STAB1: variants seen among roughly 807,000 people sequenced by gnomAD.
STAB1 encodes stabilin-1.
Under a neutral mutation model 332.4 loss-of-function variants are expected in STAB1, and 250 were observed. The ratio of observed to expected loss-of-function variants is 0.75; its 90% CI spans 0.68 to 0.84. The LOEUF (loss-of-function observed/expected upper bound fraction) is 0.84, where lower values mean the gene tolerates loss of function less well. Among genes scored for constraint, STAB1 ranks in the 40% least tolerant of loss-of-function variants. The pLI is 0.00. For missense variants in STAB1, 3,249 were observed against 3,489.7 expected, an observed-to-expected ratio of 0.93 and a Z score of 1.74; for synonymous variants, 1,475 against 1,390.4, an observed-to-expected ratio of 1.06 and a Z score of -1.35.
Position 52,520,095 on chromosome 3 carries a change from G to A in STAB1, c.5387G>A (p.Arg1796Gln), listed in dbSNP as rs750335748. ...DHRDKLAAIL[R>Q]GHMIRNVEAL... The stretch of plus-strand genomic sequence containing the variant: ...CGTGACAAGCTAGCAGCCATTCTGC[G>A]GGGCCACATGATTCGCAATGTCGAG... The change falls in exon 51 of 69, where the codon CGG (arginine) becomes CAG (glutamine). Residue 1796 changes from arginine to glutamine, a missense_variant. Coordinates refer to ENST00000321725, the MANE Select transcript of STAB1 (RefSeq NM_015136.3). The A allele has an allele frequency of 4.3e-5, 69 of 1,610,308 alleles. No homozygotes were observed. Among genetic ancestry groups the A allele is most frequent in the Non-Finnish European group, 5.4e-5 (64 of 1,177,740 alleles).
At chr3:52,498,273 TG>T (rs1037847274) in intron 1 of STAB1, among the ~76,000 whole-genome samples, 64 of 151,988 alleles carry the variant, frequency 4.2e-4, no homozygotes, top group Non-Finnish European at 6.9e-4. Context: ...GGTGTGGGGT[TG>T]GGGGGGAGAC....
At position 52,523,538 on chromosome 3, in the gene STAB1, A is replaced by C. The variant is rs374444384; in HGVS notation, c.7252A>C (p.Ser2418Arg). ...CCACTCAGGCCTCAGCCTCATCATC[A>C]GTGACGCAGGCCCTGACAACAGTTC... ...PAHSGLSLII[S>R]DAGPDNSSWA... The change falls in exon 65 of 69, where the codon AGT becomes CGT. Residue 2418 changes from serine to arginine, a missense_variant. Physicochemically the swap from Ser to Arg is moderately radical, Grantham distance 110. Coordinates refer to ENST00000321725, the MANE Select transcript of STAB1 (RefSeq NM_015136.3). 3 of 1,612,788 alleles carry C rather than the reference A, an allele frequency of 1.9e-6. No individual in the cohort carries two copies. Among genetic ancestry groups the C allele is most frequent in the Non-Finnish European group, 2.5e-6 (3 of 1,180,010 alleles).
At position 52,516,464 on chromosome 3, in the gene STAB1, C is replaced by T. The variant is rs2078867915; in HGVS notation, c.4240+13C>T. ...CGCTGTGACCAGAGTGAGTGGGTCC[C>T]AATGGGGAGGGGGCAGGTGGCTACT... On this transcript the variant is annotated intron_variant, in intron 39 of 68. Transcript: ENST00000321725. 1.2e-6 allele frequency: 2 copies of T among 1,613,450 alleles called. No individual in the cohort carries two copies. Among genetic ancestry groups the T allele is most frequent in the Non-Finnish European group, 8.5e-7 (1 of 1,179,866 alleles).
rs1458068255 is a variant in STAB1, at chr3:52,517,814, A to G, written c.4639-67A>G. 34 of 1,605,016 alleles carry G rather than the reference A, an allele frequency of 2.1e-5. 1 individual carries two copies. The South Asian group carries it at 3.1e-4, about 15-fold the overall frequency. On this transcript the variant is annotated intron_variant, in intron 44 of 68. Coordinates refer to ENST00000321725, the MANE Select transcript of STAB1 (RefSeq NM_015136.3). ...AGCAGGGGCCTTCATGGCCTCTTTCACAGGGCTGAGTGGGATAGAGAAGTA... is the reference window on the plus strand; with the variant it reads ...AGCAGGGGCCTTCATGGCCTCTTTCGCAGGGCTGAGTGGGATAGAGAAGTA...
Position 52,509,294 on chromosome 3 carries a change from A to G in STAB1, c.2320A>G (p.Asn774Asp). ...GIACHICSNP[N>D]KHGEQCQEDC... ...CGCCTGCCACATCTGCTCGAACCCA[A>G]ACAAGCATGGAGAGCAATGCCAGGA... The change falls in exon 22 of 69, where the codon AAC becomes GAC. Residue 774 changes from asparagine to aspartate, a missense_variant. Transcript: ENST00000321725. 3.1e-6 allele frequency: 5 copies of G among 1,613,568 alleles called. No individual in the cohort carries two copies. The highest frequency in any genetic ancestry group is 4.2e-6 in the Non-Finnish European group (5 of 1,179,982).
Position 52,503,777 on chromosome 3 carries a change from C to G in STAB1, c.897C>G (p.Phe299Leu). 2 of 1,613,152 alleles carry G rather than the reference C, an allele frequency of 1.2e-6. No homozygotes were observed. Among genetic ancestry groups the G allele is most frequent in the Non-Finnish European group, 1.7e-6 (2 of 1,180,032 alleles). ...LCVYQKPGQA[F>L]CTCRPGLVSI... is the part of the protein sequence containing the mutation. Reference sequence around the variant, plus strand: ...CCTGCCCTGTCGGGGGCCAGGCCTTCTGCACCTGCCGGCCAGGCCTGGTCA... The same window carrying G: ...CCTGCCCTGTCGGGGGCCAGGCCTTGTGCACCTGCCGGCCAGGCCTGGTCA... Residue 299 changes from phenylalanine to leucine, a missense_variant, in exon 9 of 69, where the codon TTC becomes TTG. Coordinates refer to ENST00000321725, the MANE Select transcript of STAB1 (RefSeq NM_015136.3).
At chr3:52,508,171 A>T in intron 20 of STAB1, 102 bp from the exon 21 acceptor site, 1 of 1,360,806 alleles carries the variant, frequency 7.3e-7, no homozygotes, top group Non-Finnish European at 1.0e-6. Context: ...GAGAAACCTT[A>T]TCCACTCCGT....
At chr3:52,504,602 G>A in intron 11 of STAB1, 53 bp downstream of exon 11, 1 of 1,612,210 alleles carries the variant, frequency 6.2e-7, no homozygotes, top group South Asian at 1.1e-5. Flanking sequence ...TCCTCCCCTG[G>A]ATGCATCCCC....
At chr3:52,515,127 GC>G in intron 36 of STAB1, 82 bp downstream of exon 36, 1 of 1,530,878 alleles carries the variant, frequency 6.5e-7, no homozygotes, top group Non-Finnish European at 8.9e-7. Context: ...TCACCCTCCA[GC>G]CCAGTTTTGC....
intron 16 of STAB1, 104 bp from the exon 17 acceptor site, chr3:52,506,066 G>A: frequency 6.7e-7 from 1 of 1,501,922 alleles, no homozygotes; most frequent in Non-Finnish European, 9.1e-7. Context: ...ATAGCACAGA[G>A]CCTAGGGACC....
At position 52,510,381 on chromosome 3, in the gene STAB1, C is replaced by G. The variant is rs762091624; in HGVS notation, c.2661C>G (p.His887Gln). The G allele has an allele frequency of 1.2e-6, 2 of 1,614,066 alleles. No individual in the cohort carries two copies. The highest frequency in any genetic ancestry group is 2.2e-5 in the South Asian group (2 of 91,086). ...AECVPGSLGT[H>Q]HCTCHKGWSG... ...GTGTCCCTGGGTCCCTGGGCACCCA[C>G]CACTGCACATGCCACAAAGGCTGGA... The change falls in exon 25 of 69, where the codon CAC (histidine) becomes CAG (glutamine). Residue 887 changes from histidine (H) to glutamine (Q), a missense_variant. By Grantham distance (24) the His-to-Gln change is conservative. Transcript: ENST00000321725.
chr3:52,507,467 C>G lies in STAB1; in HGVS notation c.1990-146C>G, dbSNP rs1311925068. 5 of 849,624 alleles carry G rather than the reference C, an allele frequency of 5.9e-6. No homozygotes were observed. In the East Asian group the frequency reaches 8.1e-5, roughly 14 times the overall value. The allele number at this position is 849,624 out of a possible 1,614,324, so 52.6% of individuals were successfully genotyped here. Reference sequence around the variant, plus strand: ...CCGGCTCGGGGCCTCTGCCCCTGCTCTCCTCTGCCTGGAATGCCAGTGCTG... The same window carrying G: ...CCGGCTCGGGGCCTCTGCCCCTGCTGTCCTCTGCCTGGAATGCCAGTGCTG... On this transcript the variant is annotated intron_variant, in intron 18 of 68. Transcript: ENST00000321725.
Position 52,508,328 on chromosome 3 carries a change from G to T in STAB1, c.2204G>T (p.Gly735Val), listed in dbSNP as rs1217431452. ...CCTGACTGCACGCAGTGTCCTGGGG[G>T]CTTCTCCAACCCCTGCTATGGCAAA... is the stretch of plus-strand genomic sequence containing the variant. ...FGPDCTQCPG[G>V]FSNPCYGKGN... Residue 735 changes from glycine (G) to valine (V), a missense_variant, in exon 21 of 69, where the codon GGC (glycine) becomes GTC (valine). Coordinates refer to ENST00000321725, the MANE Select transcript of STAB1 (RefSeq NM_015136.3). The T allele has an allele frequency of 2.5e-6, 4 of 1,613,964 alleles. No individual in the cohort carries two copies. The South Asian group carries it at 4.4e-5, about 18-fold the overall frequency.
Position 52,524,238 on chromosome 3 carries a change from G to A in STAB1, c.7656+25G>A, listed in dbSNP as rs769124635. 9.3e-6 allele frequency: 15 copies of A among 1,614,016 alleles called. No homozygotes were observed. The South Asian group carries it at 1.6e-4, about 18-fold the overall frequency. ...TGTAAGCATGGAAGTGAAGAAGTGTGGCAGATGTGGGATGGGCCCAGGCCC... is the reference window on the plus strand; with the variant it reads ...TGTAAGCATGGAAGTGAAGAAGTGTAGCAGATGTGGGATGGGCCCAGGCCC... On this transcript the variant is annotated intron_variant, in intron 68 of 68. Transcript: ENST00000321725.
At position 52,495,438 on chromosome 3, in the gene STAB1, C is replaced by A; in HGVS notation, c.25C>A (p.Pro9Thr). The A allele has an allele frequency of 7.4e-7, 1 of 1,343,098 alleles. No individual in the cohort carries two copies. The highest frequency in any genetic ancestry group is 9.6e-7 in the Non-Finnish European group (1 of 1,040,420). 83.2% of individuals were successfully genotyped at this position (1,343,098 alleles called of 1,614,324 possible). A position where few individuals can be genotyped will look rare whatever the true frequency, so the allele number is the denominator to read the frequency against. The change falls in exon 1 of 69, where the codon CCA becomes ACA. Residue 9 changes from proline (P) to threonine (T), a missense_variant. Coordinates refer to ENST00000321725, the MANE Select transcript of STAB1 (RefSeq NM_015136.3). Reference protein sequence around the residue: MAGPRGLLPLCLLAFCLAG... With the variant: MAGPRGLLTLCLLAFCLAG... ...CATGGCGGGGCCCCGGGGCCTCCTC[C>A]CACTCTGCCTCCTGGCCTTCTGCCT...
Position 52,510,232 on chromosome 3 carries a change from G to A in STAB1, c.2625G>A (p.Glu875=), listed in dbSNP as rs201202233. The change falls in exon 24 of 69, where the codon GAG becomes GAA. Residue 875 remains glutamate, a synonymous_variant. Coordinates refer to ENST00000321725, the MANE Select transcript of STAB1 (RefSeq NM_015136.3). ...CSHPDRGGCS[E]NAECVPGSLG... ...ACCCGGACCGTGGAGGCTGCTCAGA[G>A]AATGTCAGTCCCCTTGCTCCTTCCC... 5 of 1,614,046 alleles carry A rather than the reference G, an allele frequency of 3.1e-6. 1 individual carries two copies. The Admixed American group carries it at 8.3e-5, about 27-fold the overall frequency.
intron 45 of STAB1, 151 bp downstream of exon 45, chr3:52,518,154 G>A (rs2078938985): frequency 6.7e-7 from 1 of 1,490,916 alleles, no homozygotes; most frequent in African/African-American, 1.4e-5. Flanking sequence ...CCTGACCCCA[G>A]CTATGACCCA....
Position 52,524,445 on chromosome 3 carries a change from C to T in STAB1, c.*89C>T, listed in dbSNP as rs756412343. 4.3e-6 allele frequency: 7 copies of T among 1,612,108 alleles called. No homozygotes were observed. Among genetic ancestry groups the T allele is most frequent in the Non-Finnish European group, 5.9e-6 (7 of 1,179,464 alleles). On this transcript the variant is annotated 3_prime_UTR_variant, in exon 69 of 69. Transcript: ENST00000321725. ...TGGATGGGGCAGGAGGGGCTGAGGG[C>T]CTGTCCCAGACAATAAAGGTGCCCT... is the stretch of plus-strand genomic sequence containing the variant.
chr3:52,518,772 A>G lies in STAB1; in HGVS notation c.4937A>G (p.His1646Arg). 6.2e-7 allele frequency: 1 copy of G among 1,612,486 alleles called. No individual in the cohort carries two copies. The highest frequency in any genetic ancestry group is 8.5e-7 in the Non-Finnish European group (1 of 1,179,812). Residue 1646 changes from histidine to arginine, a missense_variant, in exon 48 of 69, where the codon CAC (histidine) becomes CGC (arginine). Physicochemically the swap from His to Arg is conservative, Grantham distance 29 (BLOSUM62 0). Coordinates refer to ENST00000321725, the MANE Select transcript of STAB1 (RefSeq NM_015136.3). ...RAHRQLVFRY[H>R]VVGCRRLRSE... Reference sequence around the variant, plus strand: ...CATCGCCAGCTGGTGTTTCGCTACCACGTGGTTGGCTGTCGGCGGCTGCGG... The same window carrying G: ...CATCGCCAGCTGGTGTTTCGCTACCGCGTGGTTGGCTGTCGGCGGCTGCGG...
Sources: allele counts gnomAD v4.1 joint callset (sites outside exome capture counted in the v4.1 genomes callset), GRCh38; gene constraint gnomAD v4.1.1; transcripts MANE v1.5; gene names NCBI Gene and HGNC (gene_info 2026-07-23, HGNC 2026-07-21).